PAPSS2: variants seen among roughly 807,000 people sequenced by gnomAD.
PAPSS2 encodes bifunctional 3'-phosphoadenosine 5'-phosphosulfate synthase 2.
PAPSS2 carries 61 observed loss-of-function variants against 66.5 expected under a neutral mutation model. That is an observed-to-expected ratio of 0.92 (90% CI 0.75 to 1.14). The LOEUF (loss-of-function observed/expected upper bound fraction) is 1.14. Ranked by LOEUF, PAPSS2 falls within the 50% of genes most tolerant of loss-of-function variation. PAPSS2 has a pLI of 0.00. For missense variants in PAPSS2, 708 were observed against 789.6 expected (o/e 0.90, Z 1.24); for synonymous variants, 289 against 287.5 (o/e 1.01, Z -0.05).
chr10:87,720,576 TC>T (rs1853581330), intron 7 of PAPSS2, among the ~76,000 whole-genome samples: 2 of 152,240 alleles, frequency 1.3e-5, no homozygotes, highest in Non-Finnish European at 2.9e-5. Flanking sequence ...ACTTTTGTCT[TC>T]CTTCAAACCA....
In PAPSS2 at chr10:87,747,385, T is replaced by C. The variant is rs1046493605; in HGVS notation, c.*1415T>C. The stretch of plus-strand genomic sequence containing the variant: ...AGAGAAAACTGTGACAATTTTCATA[T>C]TCTCATTCTTAAAAAACACTAATCT... On this transcript the variant is annotated 3_prime_UTR_variant, in exon 13 of 13. Transcript: ENST00000456849. The C allele has an allele frequency of 6.6e-6, 1 of 152,218 alleles. No individual in the cohort carries two copies. Among genetic ancestry groups the C allele is most frequent in the African/African-American group, 2.4e-5 (1 of 41,456 alleles). 9.4% of individuals were successfully genotyped at this position (152,218 alleles called of 1,614,324 possible). A position where few individuals can be genotyped will look rare whatever the true frequency, so the allele number is the denominator to read the frequency against.
chr10:87,709,283 G>A lies in PAPSS2; in HGVS notation c.115G>A (p.Gly39Arg), dbSNP rs1853436047. Reference sequence around the variant, plus strand: ...AGGGCAAGTGGTTGGAACAAGGGGTGGGTTCCGAGGATGTACCGTGTGGCT... The same window carrying A: ...AGGGCAAGTGGTTGGAACAAGGGGTAGGTTCCGAGGATGTACCGTGTGGCT... ...KRGQVVGTRG[G>R]FRGCTVWLTG... Residue 39 changes from glycine to arginine, a missense_variant, in exon 2 of 13, where the codon GGG becomes AGG. Gly to Arg is a moderately radical substitution (Grantham distance 125). Coordinates refer to ENST00000456849, the MANE Select transcript of PAPSS2 (RefSeq NM_001015880.2). 1.9e-6 allele frequency: 3 copies of A among 1,611,580 alleles called. No homozygotes were observed. The highest frequency in any genetic ancestry group is 1.1e-5 in the South Asian group (1 of 90,998).
At chr10:87,721,887 T>A in intron 8 of PAPSS2, 117 bp downstream of exon 8, 1 of 656,480 alleles carries the variant, frequency 1.5e-6, no homozygotes, top group Non-Finnish European at 2.6e-6. Flanking sequence ...GGAATCGCTA[T>A]TAGTTCATGA....
Position 87,713,205 on chromosome 10 carries a change from T to G in PAPSS2, c.276T>G (p.Ser92=). The G allele has an allele frequency of 5.0e-6, 8 of 1,609,442 alleles. No homozygotes were observed. The highest frequency in any genetic ancestry group is 6.8e-6 in the Non-Finnish European group (8 of 1,178,586). Reference sequence around the variant, plus strand: ...GCCTTAACAGAAATCTCGGATTCTCTCCTGGGGACAGAGAGGAAAATATCC... The same window carrying G: ...GCCTTAACAGAAATCTCGGATTCTCGCCTGGGGACAGAGAGGAAAATATCC... ...RHGLNRNLGF[S]PGDREENIRR... Residue 92 remains serine, a synonymous_variant, in exon 3 of 13, where the codon TCT becomes TCG. Transcript: ENST00000456849.
chr10:87,719,857 T>C (rs954567138), intron 7 of PAPSS2, among the ~76,000 whole-genome samples: 2 of 152,140 alleles, frequency 1.3e-5, no homozygotes, highest in African/African-American at 4.8e-5. Context: ...TCAGTGGTTG[T>C]GAAACTTTCT....
chr10:87,679,315 A>G (rs1006939434), intron 1 of PAPSS2, among the ~76,000 whole-genome samples: 5 of 152,208 alleles, frequency 3.3e-5, no homozygotes, highest in African/African-American at 4.8e-5. Flanking sequence ...AGATAGGTTA[A>G]CAGGTACAGA....
In PAPSS2 at chr10:87,744,097, G is replaced by A. The variant is rs953244419; in HGVS notation, c.1491+456G>A. ...AGCCTGGGCAACAGAGCGAGACTTC[G>A]TCTCAAAAAAAAAAAGAAAGATGCT... On this transcript the variant is annotated intron_variant, in intron 11 of 12. Coordinates refer to ENST00000456849, the MANE Select transcript of PAPSS2 (RefSeq NM_001015880.2). Among the ~76,000 whole-genome samples, 4 of 149,420 alleles carry A rather than the reference G, an allele frequency of 2.7e-5. No individual in the cohort carries two copies. The East Asian group carries it at 6.9e-4, about 26-fold the overall frequency.
At chr10:87,723,234 A>C (rs1409215103) in intron 8 of PAPSS2, among the ~76,000 whole-genome samples, 1 of 152,228 alleles carries the variant, frequency 6.6e-6, no homozygotes, top group African/African-American at 2.4e-5. Context: ...ATCCACAGAA[A>C]GCATGATTTC....
chr10:87,686,970 T>C (rs964959932), intron 1 of PAPSS2, among the ~76,000 whole-genome samples: 1 of 152,206 alleles, frequency 6.6e-6, no homozygotes, highest in African/African-American at 2.4e-5. Context: ...CCAGCTAAAT[T>C]TGAACTTCAG....
chr10:87,736,725 A>G (rs1391051919), intron 9 of PAPSS2, among the ~76,000 whole-genome samples: 2 of 152,208 alleles, frequency 1.3e-5, no homozygotes, highest in Non-Finnish European at 2.9e-5. Flanking sequence ...TGATCCTTCT[A>G]CTTTGACAAC....
chr10:87,663,722 A>T (rs779786146), intron 1 of PAPSS2, among the ~76,000 whole-genome samples: 1 of 152,200 alleles, frequency 6.6e-6, no homozygotes, highest in Non-Finnish European at 1.5e-5. Context: ...AATGTGGGTA[A>T]TAATAACTTT....
intron 1 of PAPSS2, among the ~76,000 whole-genome samples, chr10:87,703,350 G>A (rs1057394258): frequency 2.0e-5 from 3 of 148,050 alleles, no homozygotes; most frequent in African/African-American, 7.4e-5. Flanking sequence ...TGTCTGATTC[G>A]ATCATGAGTG....
chr10:87,695,388 G>C (rs539322120), intron 1 of PAPSS2, among the ~76,000 whole-genome samples: 10 of 152,282 alleles, frequency 6.6e-5, no homozygotes, highest in African/African-American at 2.4e-4. Context: ...TTTTTCACAA[G>C]CGAATATAAA....
chr10:87,701,327 C>CCTTCCTTCCTTT (rs1354912090), intron 1 of PAPSS2, among the ~76,000 whole-genome samples: 7 of 72,246 alleles, frequency 9.7e-5, no homozygotes, highest in African/African-American at 2.9e-4. Context: ...TTCCTTCCTT[C>CCTTCCTTCCTTT]CTTTCTTTCT....
chr10:87,701,347 T>C (rs1050002344), intron 1 of PAPSS2, among the ~76,000 whole-genome samples: 19 of 102,476 alleles, frequency 1.9e-4, no homozygotes, highest in South Asian at 1.5e-3. Flanking sequence ...TTTCTTTCTT[T>C]CTTTCTTTCT....
At chr10:87,670,337 G>T (rs1333875433) in intron 1 of PAPSS2, among the ~76,000 whole-genome samples, 1 of 152,300 alleles carries the variant, frequency 6.6e-6, no homozygotes, top group Admixed American at 6.5e-5. Context: ...ATTTGACCCA[G>T]TTCAAGGTCG....
intron 1 of PAPSS2, among the ~76,000 whole-genome samples, chr10:87,676,550 T>TC (rs141465156): frequency 0.45 from 68,843 of 151,656 alleles, 16,336 homozygotes; most frequent in East Asian, 0.77. Flanking sequence ...TCAAATTAAC[T>TC]AATTAGCTTT....
At chr10:87,689,853 A>G (rs1487108088) in intron 1 of PAPSS2, among the ~76,000 whole-genome samples, 1 of 152,208 alleles carries the variant, frequency 6.6e-6, no homozygotes, top group East Asian at 1.9e-4. Context: ...TGTAAGGTGT[A>G]CAATATAGCT....
intron 9 of PAPSS2, among the ~76,000 whole-genome samples, chr10:87,734,492 T>C (rs1369482989): frequency 6.6e-6 from 1 of 151,630 alleles, no homozygotes; most frequent in African/African-American, 2.4e-5. Context: ...GAGTCTGAGA[T>C]TTGGGTCTTG....
Sources: gnomAD v4.1 joint callset for allele counts (sites outside exome capture counted in the v4.1 genomes callset) on GRCh38, gnomAD v4.1.1 for gene constraint, MANE v1.5 for transcripts, NCBI Gene and HGNC (gene_info 2026-07-23, HGNC 2026-07-21) for gene names.